Variants in OPTC observed in about 807,000 individuals in gnomAD.
OPTC encodes the protein opticin.
In OPTC, 22 loss-of-function variants were observed where a neutral mutation model predicts 25.4. The ratio of observed to expected loss-of-function variants is 0.87; its 90% CI spans 0.62 to 1.24. The LOEUF (loss-of-function observed/expected upper bound fraction) is 1.24, where lower values mean the gene tolerates loss of function less well. Among genes scored for constraint, OPTC ranks in the 50% most tolerant of loss-of-function variants. OPTC has a pLI of 0.00. For missense variants in OPTC, 417 were observed against 425.2 expected, an observed-to-expected ratio of 0.98 and a Z score of 0.17; for synonymous variants, 169 against 179.3, an observed-to-expected ratio of 0.94 and a Z score of 0.46.
rs141816310 is a variant in OPTC at position 203,502,925 on chromosome 1, G to A, written c.744G>A (p.Lys248=). ...TGCTTTCTCCACAGGCAATGGAGAA[G>A]CTGCAGTTCCTTTACCTGTCAGACA... ...IQPAAFRAME[K]LQFLYLSDNL... Residue 248 remains lysine (K), a synonymous_variant, in exon 6 of 8, where the codon AAG becomes AAA. Coordinates refer to ENST00000367222, the MANE Select transcript of OPTC (RefSeq NM_014359.4). 23 of 1,613,794 alleles carry A rather than the reference G, an allele frequency of 1.4e-5. No individual in the cohort carries two copies. In the African/African-American group the frequency reaches 3.1e-4, roughly 22 times the overall value.
chr1:203,498,970 T>C (rs1661323772), intron 4 of OPTC, 131 bp downstream of exon 4: 1 of 1,001,838 alleles, frequency 1.0e-6, no homozygotes, highest in Admixed American at 1.9e-5. Flanking sequence ...TCCCTCCAGC[T>C]GTCAAAGGGA....
intron 6 of OPTC, 46 bp downstream of exon 6, chr1:203,503,055 T>A: frequency 6.8e-7 from 1 of 1,479,514 alleles, no homozygotes. Context: ...GCGTGGAGGA[T>A]GGAAGTTAGA....
At chr1:203,494,554 C>A (rs1302741522) in intron 1 of OPTC, among the ~76,000 whole-genome samples, 1 of 152,004 alleles carries the variant, frequency 6.6e-6, no homozygotes, top group African/African-American at 2.4e-5. Context: ...GAGGCTGAGG[C>A]AGGAGGACTG....
Position 203,498,841 on chromosome 1 carries a change from T to C in OPTC, c.529+2T>C, listed in dbSNP as rs374472586. 1 of 1,613,512 alleles carries C rather than the reference T, an allele frequency of 6.2e-7. No homozygotes were observed. Among genetic ancestry groups the C allele is most frequent in the African/African-American group, 1.3e-5 (1 of 74,870 alleles). ...GGGCCGAAGACTTCAAAGGGCTGAGTATGTAATGCCCTGGGAAAAGAGGAG... is the reference window on the plus strand; with the variant it reads ...GGGCCGAAGACTTCAAAGGGCTGAGCATGTAATGCCCTGGGAAAAGAGGAG... On this transcript the variant is annotated splice_donor_variant, in intron 4 of 7. Coordinates refer to ENST00000367222, the MANE Select transcript of OPTC (RefSeq NM_014359.4). LOFTEE classifies it high-confidence loss of function.
chr1:203,502,636 C>T (rs1221215649), intron 5 of OPTC, among the ~76,000 whole-genome samples: 2 of 152,346 alleles, frequency 1.3e-5, no homozygotes, highest in East Asian at 3.9e-4. Context: ...CCTGCACTAC[C>T]CAGTGTCATT....
chr1:203,498,986 C>A, intron 4 of OPTC, 147 bp downstream of exon 4: 2 of 866,556 alleles, frequency 2.3e-6, no homozygotes, highest in East Asian at 2.6e-5. Context: ...AGGGAAATAG[C>A]CCGAAGTCTC....
intron 1 of OPTC, among the ~76,000 whole-genome samples, chr1:203,494,690 T>A (rs532836593): frequency 6.6e-6 from 1 of 152,116 alleles, no homozygotes; most frequent in Admixed American, 6.5e-5. Flanking sequence ...AAAAAAATTT[T>A]AAAAGAAAGA....
chr1:203,500,478 G>A (rs1406221846), intron 5 of OPTC, among the ~76,000 whole-genome samples: 4 of 140,258 alleles, frequency 2.9e-5, no homozygotes, highest in Non-Finnish European at 6.2e-5. Context: ...CCACCCACCT[G>A]CACTACCCAC....
At chr1:203,503,409 G>A in intron 6 of OPTC, 141 bp from the exon 7 acceptor site, 1 of 820,410 alleles carries the variant, frequency 1.2e-6, no homozygotes, top group Non-Finnish European at 2.1e-6. Context: ...CCCTTGTTGT[G>A]TGGCTTTGGC....
At chr1:203,503,093 G>A (rs1661417610) in intron 6 of OPTC, 84 bp downstream of exon 6, 2 of 1,070,868 alleles carry the variant, frequency 1.9e-6, no homozygotes, top group Non-Finnish European at 2.8e-6. Context: ...GGCAGAGAGA[G>A]GCATGAGGCT....
chr1:203,505,304 G>T (rs747691989), intron 7 of OPTC, among the ~76,000 whole-genome samples: 11 of 152,118 alleles, frequency 7.2e-5, no homozygotes, highest in Non-Finnish European at 1.3e-4. Flanking sequence ...TGCTGTAAAG[G>T]GTATGTAGAG....
intron 3 of OPTC, among the ~76,000 whole-genome samples, chr1:203,497,531 C>T (rs983834653): frequency 3.3e-5 from 5 of 152,194 alleles, no homozygotes; most frequent in African/African-American, 9.6e-5. Context: ...AGTCACACTG[C>T]TTTTCAGCTT....
chr1:203,504,060 G>A (rs1661437811), intron 7 of OPTC, among the ~76,000 whole-genome samples: 1 of 152,190 alleles, frequency 6.6e-6, no homozygotes, highest in Non-Finnish European at 1.5e-5. Context: ...AAAGCTGTGG[G>A]AGAGGAAGAG....
At chr1:203,505,030 C>T (rs1358419065) in intron 7 of OPTC, among the ~76,000 whole-genome samples, 2 of 152,144 alleles carry the variant, frequency 1.3e-5, no homozygotes, top group Non-Finnish European at 1.5e-5. Flanking sequence ...CTTCTCCTGA[C>T]CGTTATAAGG....
At chr1:203,494,358 A>C (rs1661244533) in intron 1 of OPTC, 141 bp downstream of exon 1, 1 of 152,244 alleles carries the variant, frequency 6.6e-6, no homozygotes, top group Non-Finnish European at 1.5e-5. Flanking sequence ...TTGGGTGGGC[A>C]CTAAACTCTC....
intron 1 of OPTC, among the ~76,000 whole-genome samples, chr1:203,495,659 G>A (rs940688816): frequency 2.6e-5 from 4 of 152,184 alleles, no homozygotes; most frequent in South Asian, 4.1e-4. Context: ...TGTGTGCCTC[G>A]TTTGTAAACA....
chr1:203,503,113 G>A, intron 6 of OPTC, 104 bp downstream of exon 6: 1 of 865,010 alleles, frequency 1.2e-6, no homozygotes, highest in Non-Finnish European at 1.9e-6. Flanking sequence ...TTAGGCAGCT[G>A]TGGGGTCTCC....
At chr1:203,506,909 C>A (rs551048265) in intron 7 of OPTC, among the ~76,000 whole-genome samples, 10 of 152,268 alleles carry the variant, frequency 6.6e-5, no homozygotes, top group Non-Finnish European at 1.5e-4. Flanking sequence ...CAGAGAGTTT[C>A]TTTCCCCAGG....
At chr1:203,502,217 C>T (rs1181389877) in intron 5 of OPTC, among the ~76,000 whole-genome samples, 1 of 152,212 alleles carries the variant, frequency 6.6e-6, no homozygotes, top group East Asian at 1.9e-4. Flanking sequence ...CCAAACGCTT[C>T]TCTGATTAAC....
Sources: gnomAD v4.1 joint callset for allele counts (sites outside exome capture counted in the v4.1 genomes callset) on GRCh38, gnomAD v4.1.1 for gene constraint, MANE v1.5 for transcripts, NCBI Gene and HGNC (gene_info 2026-07-23, HGNC 2026-07-21) for gene names.